Variants in ARHGEF7 observed in about 807,000 individuals in gnomAD.
ARHGEF7 encodes Rho guanine nucleotide exchange factor 7, also known as PAK-interacting exchange factor beta.
In ARHGEF7, 33 loss-of-function variants were observed where a neutral mutation model predicts 109.8. That is an observed-to-expected ratio of 0.30 (90% confidence interval 0.23 to 0.40). The LOEUF is 0.40. ARHGEF7 is among the 10% of genes least tolerant of loss of function. The pLI is 1.00. For missense variants in ARHGEF7, 938 were observed against 1,098.5 expected (o/e 0.85, Z 2.07); for synonymous variants, 458 against 424.6 (o/e 1.08, Z -0.97).
intron 19 of ARHGEF7, chr13:111,294,456 T>C: frequency 7.1e-6 from 7 of 985,482 alleles, no homozygotes; most frequent in Non-Finnish European, 8.4e-6. Context: ...TTTTCATTGA[T>C]ATTCTATACA....
At chr13:111,253,561 C>G (rs542597020) in intron 8 of ARHGEF7, among the ~76,000 whole-genome samples, 1 of 152,160 alleles carries the variant, frequency 6.6e-6, no homozygotes, top group Non-Finnish European at 1.5e-5. Flanking sequence ...TAGATGCCAG[C>G]GCATGGGCTG....
chr13:111,172,792 T>C (rs563274477), intron 2 of ARHGEF7, among the ~76,000 whole-genome samples: 1 of 152,350 alleles, frequency 6.6e-6, no homozygotes, highest in African/African-American at 2.4e-5. Context: ...GTCACAATTA[T>C]TCTGCCGTTG....
At chr13:111,181,367 T>C (rs1246805467) in intron 2 of ARHGEF7, among the ~76,000 whole-genome samples, 1 of 152,208 alleles carries the variant, frequency 6.6e-6, no homozygotes, top group African/African-American at 2.4e-5. Context: ...TTTATGGCAG[T>C]TGATTGGAAT....
chr13:111,274,258 C>T (rs2092349890), intron 10 of ARHGEF7, among the ~76,000 whole-genome samples: 1 of 152,180 alleles, frequency 6.6e-6, no homozygotes, highest in Admixed American at 6.5e-5. Flanking sequence ...ACAATGTGTG[C>T]ATAGGTTATA....
At chr13:111,265,468 C>T in intron 8 of ARHGEF7, 1 of 421,806 alleles carries the variant, frequency 2.4e-6, no homozygotes, top group Non-Finnish European at 4.8e-6. Flanking sequence ...ATTCTCCTGA[C>T]TATGACTTTC....
In ARHGEF7 at chr13:111,300,785, A is replaced by G. The variant is rs763046403; in HGVS notation, c.2349A>G (p.Pro783=). Reference sequence around the variant, plus strand: ...AATCTGCTCCACAAGTTTTGCTTCCAGAAGAAGAGAAAATTATAGTGGAAG... The same window carrying G: ...AATCTGCTCCACAAGTTTTGCTTCCGGAAGAAGAGAAAATTATAGTGGAAG... ...RKESAPQVLL[P]EEEKIIVEET... Residue 783 remains proline, a synonymous_variant, in exon 20 of 22, where the codon CCA becomes CCG. Coordinates refer to ENST00000646102, the MANE Select transcript of ARHGEF7 (RefSeq NM_001354046.2). The G allele has an allele frequency of 6.2e-7, 1 of 1,611,718 alleles. No individual in the cohort carries two copies. Among genetic ancestry groups the G allele is most frequent in the Non-Finnish European group, 8.5e-7 (1 of 1,179,104 alleles).
At position 111,266,313 on chromosome 13, in the gene ARHGEF7, C is replaced by T. The variant is rs1237226809; in HGVS notation, c.951-1235C>T. Among the ~76,000 whole-genome samples, 1 of 152,098 alleles carries T rather than the reference C, an allele frequency of 6.6e-6. No homozygotes were observed. Among genetic ancestry groups the T allele is most frequent in the African/African-American group, 2.4e-5 (1 of 41,420 alleles). On this transcript the variant is annotated intron_variant, in intron 8 of 21. Coordinates refer to ENST00000646102, the MANE Select transcript of ARHGEF7 (RefSeq NM_001354046.2). This position sits in a 1 kb window ranked among gnomAD's most constrained non-coding sequence, Gnocchi z 4.8. ...TTTCTCACTCAGAGCTCTTCGCATC[C>T]TTGTTTCTGGGCTTCTGAATGACTC...
At chr13:111,119,510 AG>A (rs2153312951) in intron 1 of ARHGEF7, among the ~76,000 whole-genome samples, 1 of 152,336 alleles carries the variant, frequency 6.6e-6, no homozygotes, top group African/African-American at 2.4e-5. Flanking sequence ...ATGAGGCAGA[AG>A]GAAGTCAAGA....
At chr13:111,133,807 ATAT>A (rs2074941931) in intron 1 of ARHGEF7, among the ~76,000 whole-genome samples, 4 of 30,454 alleles carry the variant, frequency 1.3e-4, no homozygotes, top group Admixed American at 3.8e-4. Flanking sequence ...ATATATATAT[ATAT>A]ATATTTATTA....
rs754745143 is a variant in ARHGEF7, at chr13:111,275,698, C to T, written c.1419+20C>T. 10 of 1,613,750 alleles carry T rather than the reference C, an allele frequency of 6.2e-6. No individual in the cohort carries two copies. Among genetic ancestry groups the T allele is most frequent in the South Asian group, 3.3e-5 (3 of 91,072 alleles). On this transcript the variant is annotated intron_variant, in intron 12 of 21. Coordinates refer to ENST00000646102, the MANE Select transcript of ARHGEF7 (RefSeq NM_001354046.2). ...AGTGAGGTACTGCTGCCCACATGCA[C>T]GCACCAGGGTTTCTGTCCCACTCTT...
intron 2 of ARHGEF7, among the ~76,000 whole-genome samples, chr13:111,202,099 A>AG (rs2081274029): frequency 6.6e-6 from 1 of 152,232 alleles, no homozygotes; most frequent in Admixed American, 6.5e-5. Flanking sequence ...TAAATGTAAA[A>AG]GTAAGGGTGA....
intron 2 of ARHGEF7, chr13:111,186,789 G>T (rs1226978626): frequency 4.1e-6 from 4 of 985,260 alleles, no homozygotes; most frequent in Non-Finnish European, 4.8e-6. Flanking sequence ...GACCACTAAA[G>T]CTTCAGTGAG....
At chr13:111,288,925 T>G (rs958036732) in intron 18 of ARHGEF7, among the ~76,000 whole-genome samples, 2 of 152,192 alleles carry the variant, frequency 1.3e-5, no homozygotes, top group African/African-American at 4.8e-5. Flanking sequence ...TTTTAAAAAT[T>G]TTTTGGAAAT....
chr13:111,304,460 C>G lies in ARHGEF7; in HGVS notation c.*1347C>G, dbSNP rs566542638. ...TACACTTTTCCGTAGAACAAGTGTT[C>G]TATCTTTAAAAACCCAAATTGCAGC... On this transcript the variant is annotated 3_prime_UTR_variant, in exon 22 of 22. Coordinates refer to ENST00000646102, the MANE Select transcript of ARHGEF7 (RefSeq NM_001354046.2). 1.3e-5 allele frequency: 2 copies of G among 152,300 alleles called. No homozygotes were observed. Among genetic ancestry groups the G allele is most frequent in the South Asian group, 2.1e-4 (1 of 4,824 alleles). The allele number at this position is 152,300 out of a possible 1,614,324, so 9.4% of individuals were successfully genotyped here.
chr13:111,141,515 C>T (rs935548971), intron 1 of ARHGEF7, among the ~76,000 whole-genome samples: 3 of 152,204 alleles, frequency 2.0e-5, no homozygotes, highest in Admixed American at 2.0e-4. Context: ...TATTCAGCTG[C>T]CTGGAAGCTC....
At chr13:111,241,625 C>G (rs1235660733) in intron 6 of ARHGEF7, among the ~76,000 whole-genome samples, 1 of 152,190 alleles carries the variant, frequency 6.6e-6, no homozygotes, top group Non-Finnish European at 1.5e-5. Context: ...TTATGGGAAG[C>G]TTTCATTTCT....
rs142136959 is a variant in ARHGEF7 at position 111,148,520 on chromosome 13, A to G, written c.166-5385A>G. ...AAGGGAATCCACTTCCAGACCCTCA[A>G]CTTACATACACAGTCACCTAAAACT... On this transcript the variant is annotated intron_variant, in intron 1 of 21. Coordinates refer to ENST00000646102, the MANE Select transcript of ARHGEF7 (RefSeq NM_001354046.2). Among the ~76,000 whole-genome samples, 1,495 of 152,316 alleles carry G rather than the reference A, an allele frequency of 9.8e-3. 16 individuals are homozygous for G. Among genetic ancestry groups the G allele is most frequent in the Middle Eastern group, 0.014 (4 of 294 alleles).
At chr13:111,221,648 T>A (rs2084409297) in intron 5 of ARHGEF7, among the ~76,000 whole-genome samples, 1 of 140,412 alleles carries the variant, frequency 7.1e-6, no homozygotes, top group African/African-American at 2.7e-5. Context: ...CCCCTTTATA[T>A]ATATATATAA....
At chr13:111,301,419 C>T (rs1306495641) in intron 20 of ARHGEF7, 59 bp from the exon 21 acceptor site, 11 of 1,472,308 alleles carry the variant, frequency 7.5e-6, no homozygotes, top group East Asian at 6.8e-5. Context: ...GGTAAGTTTT[C>T]GTGTGTCCTC....
Sources: gnomAD v4.1 joint callset for allele counts (sites outside exome capture counted in the v4.1 genomes callset) on GRCh38, gnomAD v4.1.1 for gene constraint, Gnocchi (gnomAD v3.1) non-coding constraint, MANE v1.5 for transcripts, NCBI Gene and HGNC (gene_info 2026-07-23, HGNC 2026-07-21) for gene names.